The following CCSER1 variants were observed in gnomAD, a reference collection of about 807,000 sequenced individuals.
CCSER1 encodes the protein serine-rich coiled-coil domain-containing protein 1.
A neutral mutation model predicts 82.0 loss-of-function variants in CCSER1; 41 were observed. The observed-to-expected ratio is 0.50, with a 90% CI of 0.39 to 0.65. The LOEUF (loss-of-function observed/expected upper bound fraction) is 0.65. CCSER1 is among the 30% of genes least tolerant of loss of function. The probability of loss-of-function intolerance (pLI) is 0.00; values close to 1 mark genes in which losing one functional copy is unlikely to be tolerated. For synonymous variants in CCSER1, 414 were observed against 383.9 expected (o/e 1.08, Z -0.92); for missense variants, 1,119 against 1,064.2 (o/e 1.05, Z -0.72).
At chr4:90,255,994 T>C (rs527580522) in intron 1 of CCSER1, among the ~76,000 whole-genome samples, 2 of 152,268 alleles carry the variant, frequency 1.3e-5, no homozygotes, top group African/African-American at 4.8e-5. Flanking sequence ...GATAGAACTG[T>C]GGCATTTACC....
Position 90,429,955 on chromosome 4 carries a change from T to C in CCSER1, c.1603+29826T>C, listed in dbSNP as rs147137664. ...ACATAATTTCAGCAGACACTATGTG[T>C]TGAGGAAAGATCTTTACTAAGTCTC... On this transcript the variant is annotated intron_variant, in intron 4 of 10. Transcript: ENST00000509176. Among the ~76,000 whole-genome samples, 1,240 of 151,914 alleles carry C rather than the reference T, an allele frequency of 8.2e-3. 16 individuals carry two copies. Among genetic ancestry groups the C allele is most frequent in the African/African-American group, 0.027 (1,131 of 41,528 alleles).
At chr4:91,394,203 T>G (rs1021368334) in intron 10 of CCSER1, among the ~76,000 whole-genome samples, 3 of 151,810 alleles carry the variant, frequency 2.0e-5, no homozygotes, top group Non-Finnish European at 4.4e-5. Flanking sequence ...CATATGAGGG[T>G]TTTCAGAGGA....
intron 4 of CCSER1, among the ~76,000 whole-genome samples, chr4:90,463,044 G>T (rs1474274053): frequency 6.6e-6 from 1 of 152,026 alleles, no homozygotes; most frequent in Non-Finnish European, 1.5e-5. Flanking sequence ...TTCTGATATG[G>T]ATTATTTTTT....
chr4:90,432,796 C>T (rs1013910601), intron 4 of CCSER1, among the ~76,000 whole-genome samples: 1 of 152,090 alleles, frequency 6.6e-6, no homozygotes, highest in African/African-American at 2.4e-5. Context: ...CAACAATGAA[C>T]ATTAAAAACC....
intron 1 of CCSER1, among the ~76,000 whole-genome samples, chr4:90,210,054 T>C (rs1164312696): frequency 1.3e-5 from 2 of 152,212 alleles, no homozygotes; most frequent in Non-Finnish European, 1.5e-5. Flanking sequence ...TTGGACTTCC[T>C]GCATAATACT....
chr4:90,485,385 C>T (rs909076070), intron 5 of CCSER1, among the ~76,000 whole-genome samples: 1 of 152,176 alleles, frequency 6.6e-6, no homozygotes, highest in Non-Finnish European at 1.5e-5. Flanking sequence ...CACTGTCCTG[C>T]ACCCACTGTC....
At chr4:91,360,922 C>T (rs903806265) in intron 10 of CCSER1, among the ~76,000 whole-genome samples, 3 of 151,662 alleles carry the variant, frequency 2.0e-5, no homozygotes, top group Admixed American at 1.3e-4. Context: ...TTTGAATATG[C>T]CAGGAAGACT....
At chr4:90,876,895 T>C (rs1272969877) in intron 8 of CCSER1, among the ~76,000 whole-genome samples, 2 of 152,132 alleles carry the variant, frequency 1.3e-5, no homozygotes, top group Non-Finnish European at 2.9e-5. Flanking sequence ...ATACTTTTTG[T>C]CTCAGAGTTA....
chr4:91,554,286 T>G (rs1220912720), intron 10 of CCSER1, among the ~76,000 whole-genome samples: 11 of 151,354 alleles, frequency 7.3e-5, no homozygotes, highest in Non-Finnish European at 1.0e-4. Context: ...GTTAAAGCTT[T>G]TCCTGTGGCC....
intron 8 of CCSER1, among the ~76,000 whole-genome samples, chr4:90,868,815 C>A (rs1766073417): frequency 6.6e-6 from 1 of 152,102 alleles, no homozygotes; most frequent in African/African-American, 2.4e-5. Flanking sequence ...AATTTACATT[C>A]TCACCAATAG....
At chr4:90,827,749 G>T (rs1354524430) in intron 8 of CCSER1, among the ~76,000 whole-genome samples, 1 of 152,030 alleles carries the variant, frequency 6.6e-6, no homozygotes, top group Non-Finnish European at 1.5e-5. Flanking sequence ...ATTTTCTTTT[G>T]CCCTCTGAGA....
At chr4:90,510,698 G>A (rs889080094) in intron 5 of CCSER1, among the ~76,000 whole-genome samples, 1 of 152,190 alleles carries the variant, frequency 6.6e-6, no homozygotes, top group Non-Finnish European at 1.5e-5. Flanking sequence ...CTGCTGCCAT[G>A]AGCAGCCATA....
At chr4:91,481,890 A>G (rs1384409726) in intron 10 of CCSER1, among the ~76,000 whole-genome samples, 1 of 152,184 alleles carries the variant, frequency 6.6e-6, no homozygotes, top group Non-Finnish European at 1.5e-5. Context: ...CAAAGGGCTA[A>G]TATCTAGAAT....
intron 9 of CCSER1, among the ~76,000 whole-genome samples, chr4:91,081,845 C>T (rs534385564): frequency 1.2e-3 from 182 of 152,124 alleles, no homozygotes; most frequent in African/African-American, 4.1e-3. Context: ...ACCTAGGAAT[C>T]CAACTTACAA....
intron 5 of CCSER1, among the ~76,000 whole-genome samples, chr4:90,539,863 G>A (rs1775886191): frequency 6.6e-6 from 1 of 152,078 alleles, no homozygotes; most frequent in Non-Finnish European, 1.5e-5. Context: ...CACTTTTTGT[G>A]TAGAGGTCAG....
intron 1 of CCSER1, among the ~76,000 whole-genome samples, chr4:90,265,104 C>T (rs1455794778): frequency 1.3e-5 from 2 of 151,682 alleles, no homozygotes; most frequent in African/African-American, 4.8e-5. Flanking sequence ...AGATACAGAC[C>T]TTTATAGAGT....
rs977552126 is a variant in CCSER1 at position 91,274,691 on chromosome 4, G to A, written c.2217+188697G>A. Among the ~76,000 whole-genome samples the A allele has an allele frequency of 2.0e-5, 3 of 152,144 alleles. No individual in the cohort carries two copies. In the South Asian group the frequency reaches 6.2e-4, roughly 32 times the overall value. On this transcript the variant is annotated intron_variant, in intron 10 of 10. Coordinates refer to ENST00000509176, the MANE Select transcript of CCSER1 (RefSeq NM_001145065.2). ...TTTTATGGCCAAATAGTATTCTCTTGTGTATGTATACCACTTTTCTTTATT... is the reference window on the plus strand; with the variant it reads ...TTTTATGGCCAAATAGTATTCTCTTATGTATGTATACCACTTTTCTTTATT...
chr4:90,705,402 T>G (rs550233041), intron 6 of CCSER1, among the ~76,000 whole-genome samples: 1 of 152,304 alleles, frequency 6.6e-6, no homozygotes, highest in African/African-American at 2.4e-5. Flanking sequence ...TGCCTCCCAG[T>G]TAGGCTATTC....
intron 10 of CCSER1, among the ~76,000 whole-genome samples, chr4:91,517,049 C>G (rs1004062531): frequency 1.3e-5 from 2 of 152,088 alleles, no homozygotes; most frequent in Non-Finnish European, 2.9e-5. Flanking sequence ...ACATTGATTT[C>G]TTATCCTGAA....
Sources: gnomAD v4.1 joint callset for allele counts (sites outside exome capture counted in the v4.1 genomes callset) on GRCh38, gnomAD v4.1.1 for gene constraint, MANE v1.5 for transcripts, NCBI Gene and HGNC (gene_info 2026-07-23, HGNC 2026-07-21) for gene names.